The following CHKA variants were observed in gnomAD, a reference collection of about 807,000 sequenced individuals.
CHKA encodes CHETK-alpha.
A neutral mutation model predicts 60.1 loss-of-function variants in CHKA; 34 were observed. The observed-to-expected ratio is 0.57, with a 90% confidence interval of 0.43 to 0.75. The LOEUF is 0.75. Among genes scored for constraint, CHKA ranks in the 30% least tolerant of loss-of-function variants. CHKA has a pLI of 0.00. For synonymous variants in CHKA, 217 were observed against 223.1 expected (o/e 0.97, Z 0.24); for missense variants, 563 against 561.3 (o/e 1.00, Z -0.03).
chr11:68,074,810 C>G lies in CHKA; in HGVS notation c.537G>C (p.Leu179=), dbSNP rs1231341510. The G allele has an allele frequency of 6.2e-7, 1 of 1,614,194 alleles. No homozygotes were observed. Among genetic ancestry groups the G allele is most frequent in the South Asian group, 1.1e-5 (1 of 91,086 alleles). Reference sequence around the variant, plus strand: ...CGAGAATGGCAAACATAACGCTCTCCAGAACCATGGCCTCAGCCCCCTAAA... The same window carrying G: ...CGAGAATGGCAAACATAACGCTCTCGAGAACCATGGCCTCAGCCCCCTAAA... ...NEFQGAEAMV[L]ESVMFAILAE... is the part of the protein sequence containing the mutation. The change falls in exon 4 of 12, where the codon CTG becomes CTC. Residue 179 remains leucine (L), a synonymous_variant. Transcript: ENST00000265689.
At chr11:68,056,999 G>C (rs1234925255) in intron 11 of CHKA, among the ~76,000 whole-genome samples, 1 of 152,228 alleles carries the variant, frequency 6.6e-6, no homozygotes, top group East Asian at 1.9e-4. Flanking sequence ...ACTGGTGTTG[G>C]AAGTGGGGGG....
At chr11:68,067,644 T>C (rs1856487927) in intron 7 of CHKA, among the ~76,000 whole-genome samples, 2 of 152,262 alleles carry the variant, frequency 1.3e-5, no homozygotes, top group East Asian at 1.9e-4. Flanking sequence ...AAAATTAATG[T>C]ACAACTGTTA....
chr11:68,085,387 C>CT (rs888590881), intron 2 of CHKA, among the ~76,000 whole-genome samples: 36 of 146,572 alleles, frequency 2.5e-4, no homozygotes, highest in East Asian at 6.0e-4. Context: ...CATACCTAGC[C>CT]TTTTTTTTTT....
intron 9 of CHKA, 102 bp downstream of exon 9, chr11:68,065,684 G>C (rs1042654851): frequency 3.7e-6 from 3 of 802,674 alleles, no homozygotes; most frequent in Non-Finnish European, 6.2e-6. Context: ...CTGGGAAACA[G>C]AGTGAGACCC....
intron 2 of CHKA, among the ~76,000 whole-genome samples, chr11:68,092,991 A>T (rs540311037): frequency 6.8e-6 from 1 of 146,142 alleles, no homozygotes; most frequent in South Asian, 2.2e-4. Flanking sequence ...CTAATTTCCC[A>T]TCCAGTTTTT....
Position 68,056,790 on chromosome 11 carries a change from G to A in CHKA, c.1315-2743C>T, listed in dbSNP as rs139918856. Among the ~76,000 whole-genome samples the A allele has an allele frequency of 3.6e-3, 550 of 152,152 alleles. 5 individuals carry two copies. Among genetic ancestry groups the A allele is most frequent in the African/African-American group, 0.013 (522 of 41,482 alleles). ...CTTGGAAGGTTGAGACAAGAGGATC[G>A]CTTGAGCCCAGAAGTTGGAGACCAG... is the stretch of plus-strand genomic sequence containing the variant. On this transcript the variant is annotated intron_variant, in intron 11 of 11. Transcript: ENST00000265689.
intron 3 of CHKA, among the ~76,000 whole-genome samples, chr11:68,075,958 G>A (rs567439190): frequency 2.6e-5 from 4 of 152,204 alleles, no homozygotes; most frequent in South Asian, 2.1e-4. Flanking sequence ...ACACATTCAC[G>A]TTACCAAAAA....
intron 3 of CHKA, among the ~76,000 whole-genome samples, chr11:68,078,888 T>A (rs1440093525): frequency 1.3e-5 from 2 of 151,924 alleles, no homozygotes; most frequent in Non-Finnish European, 2.9e-5. Flanking sequence ...TAGGAAAACT[T>A]CTGAAATTCA....
chr11:68,101,206 C>A (rs193033599), intron 1 of CHKA, among the ~76,000 whole-genome samples: 4 of 152,094 alleles, frequency 2.6e-5, no homozygotes, highest in South Asian at 2.1e-4. Flanking sequence ...TCTCAGCCCC[C>A]CAAAGTGCTG....
At chr11:68,119,045 TCA>T (rs1858502105) in intron 1 of CHKA, among the ~76,000 whole-genome samples, 1 of 152,196 alleles carries the variant, frequency 6.6e-6, no homozygotes, top group Non-Finnish European at 1.5e-5. Context: ...GTTTTCCATT[TCA>T]CAGACTGATG....
intron 11 of CHKA, among the ~76,000 whole-genome samples, chr11:68,055,602 T>A (rs1166422765): frequency 6.6e-6 from 1 of 152,228 alleles, no homozygotes; most frequent in Non-Finnish European, 1.5e-5. Context: ...CGTCAGTTCT[T>A]TCAAGTTTTA....
rs151170130 is a variant in CHKA at position 68,071,337 on chromosome 11, G to A, written c.631-480C>T. 6.3e-3 allele frequency among the ~76,000 whole-genome samples: 967 copies of A among 152,298 alleles called. 8 individuals carry two copies. The highest frequency in any genetic ancestry group is 0.022 in the African/African-American group (915 of 41,576). On this transcript the variant is annotated intron_variant, in intron 4 of 11. Transcript: ENST00000265689. ...ACCAGGAGATGCGTCACAGAGACAG[G>A]GGGGCCGTCTCCAGCTGCTCCCAGT...
At chr11:68,078,467 G>A (rs1314930229) in intron 3 of CHKA, among the ~76,000 whole-genome samples, 2 of 152,230 alleles carry the variant, frequency 1.3e-5, no homozygotes, top group Non-Finnish European at 1.5e-5. Flanking sequence ...AACAGCTTCA[G>A]AGTGATGGGT....
intron 2 of CHKA, among the ~76,000 whole-genome samples, chr11:68,095,693 A>G (rs1223098358): frequency 8.2e-6 from 1 of 122,602 alleles, no homozygotes; most frequent in African/African-American, 3.2e-5. Context: ...TGGGTGACAG[A>G]GCAAGACTCC....
intron 3 of CHKA, among the ~76,000 whole-genome samples, chr11:68,079,231 G>C (rs1177285712): frequency 6.6e-6 from 1 of 152,016 alleles, no homozygotes; most frequent in Non-Finnish European, 1.5e-5. Context: ...TATCACTATT[G>C]CATCAACGTT....
At chr11:68,061,896 G>C (rs1856260834) in intron 11 of CHKA, 57 bp downstream of exon 11, 1 of 1,184,542 alleles carries the variant, frequency 8.4e-7, no homozygotes, top group Admixed American at 2.2e-5. Flanking sequence ...AAATACTATA[G>C]CATTTTTACC....
At chr11:68,093,290 A>G (rs1226917868) in intron 2 of CHKA, among the ~76,000 whole-genome samples, 1 of 152,108 alleles carries the variant, frequency 6.6e-6, no homozygotes, top group Admixed American at 6.5e-5. Context: ...GTGAGCCACC[A>G]TGACCAGCCC....
At chr11:68,119,408 T>C (rs1468034360) in intron 1 of CHKA, among the ~76,000 whole-genome samples, 1 of 152,178 alleles carries the variant, frequency 6.6e-6, no homozygotes, top group Non-Finnish European at 1.5e-5. Flanking sequence ...CCAGCAAATT[T>C]CTAGATACTG....
chr11:68,066,423 C>T lies in CHKA; in HGVS notation c.1016+6G>A, dbSNP rs1444253206. The stretch of plus-strand genomic sequence containing the variant: ...GAGATGGAAACACTGGACTGTAACA[C>T]AGTACCTGTAATTGTAACTGCTGTA... On this transcript the variant is annotated splice_donor_region_variant and intron_variant, in intron 8 of 11. Coordinates refer to ENST00000265689, the MANE Select transcript of CHKA (RefSeq NM_001277.3). The T allele has an allele frequency of 3.1e-6, 5 of 1,597,196 alleles. No individual in the cohort carries two copies. Among genetic ancestry groups the T allele is most frequent in the Admixed American group, 1.7e-5 (1 of 59,968 alleles).
Sources: allele counts gnomAD v4.1 joint callset (sites outside exome capture counted in the v4.1 genomes callset), GRCh38; gene constraint gnomAD v4.1.1; transcripts MANE v1.5; gene names NCBI Gene and HGNC (gene_info 2026-07-23, HGNC 2026-07-21).